Variants in GATAD1 observed in about 807,000 individuals in gnomAD.
GATAD1 encodes GATA zinc finger domain containing 1, also known as GATA zinc finger domain-containing protein 1.
A neutral mutation model predicts 26.5 loss-of-function variants in GATAD1; 12 were observed. The ratio of observed to expected loss-of-function variants is 0.45; its 90% CI spans 0.29 to 0.73. The LOEUF is 0.73. Ranked by LOEUF, GATAD1 falls within the 30% of genes least tolerant of loss-of-function variation. The pLI is 0.10. For missense variants in GATAD1, 266 were observed against 342.1 expected (o/e 0.78, Z 1.75); for synonymous variants, 129 against 133.1 (o/e 0.97, Z 0.21).
chr7:92,448,060 G>C, intron 1 of GATAD1, 82 bp downstream of exon 1: 1 of 1,075,288 alleles, frequency 9.3e-7, no homozygotes, highest in Non-Finnish European at 1.2e-6. Context: ...GAGCGGGCGG[G>C]CGCGGGCTTC....
intron 1 of GATAD1, 53 bp downstream of exon 1, chr7:92,448,031 G>C: frequency 6.8e-6 from 8 of 1,182,852 alleles, no homozygotes; most frequent in Non-Finnish European, 8.4e-6. Flanking sequence ...TGCTAGGCGG[G>C]CGGGGACGGG....
chr7:92,465,727 G>C, the GATAD1 span, among the ~76,000 whole-genome samples: 4 of 152,192 alleles, frequency 2.6e-5, no homozygotes, highest in Non-Finnish European at 5.9e-5. Flanking sequence ...AATCTGCCAG[G>C]CATGGTGGCT....
At chr7:92,464,607 T>A (rs987539695), downstream of GATAD1, among the ~76,000 whole-genome samples, 2 of 152,194 alleles carry the variant, frequency 1.3e-5, no homozygotes, top group Non-Finnish European at 2.9e-5. Flanking sequence ...TGTCCTTGTG[T>A]CTTGCATTAT....
chr7:92,494,460 T>C, the GATAD1 span: 2 of 1,612,380 alleles, frequency 1.2e-6, no homozygotes, highest in South Asian at 1.1e-5. Context: ...TGTTATAACA[T>C]TCTATTTCTG....
At chr7:92,490,035 G>T in the GATAD1 span, 1 of 787,784 alleles carries the variant, frequency 1.3e-6, no homozygotes, top group Non-Finnish European at 2.1e-6. Context: ...AAGTATACAT[G>T]TTAATTAACT....
At chr7:92,483,234 A>C in the GATAD1 span, among the ~76,000 whole-genome samples, 1 of 152,210 alleles carries the variant, frequency 6.6e-6, no homozygotes. Flanking sequence ...CCCAATGGTC[A>C]GATTTCCGGC....
At chr7:92,466,703 T>G in the GATAD1 span, among the ~76,000 whole-genome samples, 1 of 152,220 alleles carries the variant, frequency 6.6e-6, no homozygotes, top group Non-Finnish European at 1.5e-5. Context: ...ATGTATGTTT[T>G]CGAGATAAAT....
At chr7:92,483,184 C>T in the GATAD1 span, among the ~76,000 whole-genome samples, 8 of 152,144 alleles carry the variant, frequency 5.3e-5, no homozygotes, top group African/African-American at 1.9e-4. Flanking sequence ...ACAAATGGGA[C>T]GTGGCTTAGG....
chr7:92,470,045 C>T, the GATAD1 span: 1 of 778,766 alleles, frequency 1.3e-6, no homozygotes, highest in South Asian at 1.3e-5. Flanking sequence ...TCAGACATAC[C>T]AGTTTGGGTG....
At chr7:92,448,113 C>A in intron 1 of GATAD1, 135 bp downstream of exon 1, 1 of 529,612 alleles carries the variant, frequency 1.9e-6, no homozygotes, top group Non-Finnish European at 2.8e-6. Context: ...CCCTCCCCAC[C>A]TCCTACTGAG....
chr7:92,461,849 T>C (rs1789932293), downstream of GATAD1, among the ~76,000 whole-genome samples: 1 of 151,952 alleles, frequency 6.6e-6, no homozygotes, highest in Non-Finnish European at 1.5e-5. Flanking sequence ...TATAACCTAA[T>C]CTGAAAGAAG....
At chr7:92,489,189 T>C in the GATAD1 span, 3 of 1,051,202 alleles carry the variant, frequency 2.9e-6, no homozygotes, top group Non-Finnish European at 4.3e-6. Flanking sequence ...AGCTTTTAAA[T>C]ATTCAAAATA....
At chr7:92,495,755 G>C in the GATAD1 span, among the ~76,000 whole-genome samples, 1 of 151,690 alleles carries the variant, frequency 6.6e-6, no homozygotes, top group Admixed American at 6.6e-5. Context: ...AATAAATCTT[G>C]GCTTTGTGAG....
At chr7:92,449,247 A>T in intron 2 of GATAD1, 1 of 832,492 alleles carries the variant, frequency 1.2e-6, no homozygotes, top group African/African-American at 1.8e-5. Context: ...TTCATTCTTT[A>T]AAAATCTAAG....
the GATAD1 span, among the ~76,000 whole-genome samples, chr7:92,476,581 TTCTTTCTCTCTTTGACTCTCTCTCTCTCC>T: frequency 1.3e-5 from 2 of 152,144 alleles, no homozygotes; most frequent in African/African-American, 4.8e-5. Context: ...TTCTTTCTCT[TTCTTTCTCTCTTTGACTCTCTCTCTCTCC>T]TCTTTGTCTC....
chr7:92,482,884 G>A, the GATAD1 span, among the ~76,000 whole-genome samples: 1 of 152,310 alleles, frequency 6.6e-6, no homozygotes, highest in Non-Finnish European at 1.5e-5. Context: ...ACCCACAACA[G>A]TTATGGGGGA....
At chr7:92,485,723 G>A in the GATAD1 span, among the ~76,000 whole-genome samples, 2 of 152,208 alleles carry the variant, frequency 1.3e-5, no homozygotes, top group African/African-American at 4.8e-5. Flanking sequence ...AAACAGTGGA[G>A]ACAGGAAATC....
the GATAD1 span, chr7:92,471,784 T>C: frequency 6.6e-6 from 1 of 152,254 alleles, no homozygotes; most frequent in Non-Finnish European, 1.5e-5. Flanking sequence ...TCCTGATGTT[T>C]GATAGGTGTT....
In GATAD1 at chr7:92,454,573, A is replaced by G. The variant is rs775915716; in HGVS notation, c.507A>G (p.Gln169=). ...DEQDGKPYYA[Q]IRGFIQDQYC... ...AAGATGGAAAGCCCTACTATGCTCA[A>G]ATCAGAGGTTTTATCCAGGACCAGT... is the stretch of plus-strand genomic sequence containing the variant. Residue 169 remains glutamine (Q), a synonymous_variant, in exon 4 of 5, where the codon CAA becomes CAG. Coordinates refer to ENST00000287957, the MANE Select transcript of GATAD1 (RefSeq NM_021167.5). The G allele has an allele frequency of 5.0e-6, 8 of 1,613,108 alleles. No individual in the cohort carries two copies. The highest frequency in any genetic ancestry group is 4.5e-5 in the East Asian group (2 of 44,896).
Sources: allele counts gnomAD v4.1 joint callset (sites outside exome capture counted in the v4.1 genomes callset), GRCh38; gene constraint gnomAD v4.1.1; transcripts MANE v1.5; gene names NCBI Gene and HGNC (gene_info 2026-07-23, HGNC 2026-07-21).